The following PCDH9 variants were observed in gnomAD, a reference collection of about 807,000 sequenced individuals.
The protein encoded by PCDH9 is protocadherin-9.
A neutral mutation model predicts 70.6 loss-of-function variants in PCDH9; 24 were observed. The observed-to-expected ratio is 0.34, with a 90% CI of 0.25 to 0.48. PCDH9 has a LOEUF of 0.48. PCDH9 is among the 20% of genes least tolerant of loss of function. The pLI, the probability that PCDH9 is intolerant of heterozygous loss-of-function variation, is 0.99. For synonymous variants in PCDH9, 562 were observed against 558.5 expected (o/e 1.01, Z -0.09); for missense variants, 1,281 against 1,503.6 (o/e 0.85, Z 2.45).
intron 2 of PCDH9, chr13:66,915,037 G>C (rs554100420): frequency 6.6e-6 from 1 of 151,708 alleles, no homozygotes; most frequent in South Asian, 2.1e-4. Context: ...TTCAAGTAAG[G>C]ATTATTGTTT....
chr13:66,977,642 C>G (rs1047426765), intron 2 of PCDH9: 3 of 152,108 alleles, frequency 2.0e-5, no homozygotes, highest in Non-Finnish European at 4.4e-5. Context: ...TGGAACACAA[C>G]TGGGCGACAT....
intron 2 of PCDH9, among the ~76,000 whole-genome samples, chr13:67,067,172 A>G (rs564076592): frequency 1.3e-5 from 2 of 152,190 alleles, no homozygotes; most frequent in African/African-American, 4.8e-5. Flanking sequence ...TTTTCCTTCA[A>G]TTTAATTGTG....
chr13:66,782,727 A>G (rs1332367531), intron 3 of PCDH9: 1 of 152,150 alleles, frequency 6.6e-6, no homozygotes, highest in Admixed American at 6.6e-5. Context: ...TGTGGCTCAT[A>G]TTACAATTCT....
At chr13:67,133,626 G>A (rs1483506146) in intron 2 of PCDH9, among the ~76,000 whole-genome samples, 1 of 152,020 alleles carries the variant, frequency 6.6e-6, no homozygotes, top group Non-Finnish European at 1.5e-5. Context: ...ATATCAAAGG[G>A]AGATAAAAGA....
chr13:67,008,683 A>G (rs1400810010), intron 2 of PCDH9, among the ~76,000 whole-genome samples: 1 of 152,148 alleles, frequency 6.6e-6, no homozygotes, highest in African/African-American at 2.4e-5. Context: ...GCCTAGACTC[A>G]TCTTAAATAA....
intron 3 of PCDH9, among the ~76,000 whole-genome samples, chr13:66,678,991 G>A (rs1046664409): frequency 2.1e-4 from 31 of 151,154 alleles, no homozygotes; most frequent in African/African-American, 6.3e-4. Flanking sequence ...ATAAAAATTC[G>A]AAAGAACATA....
intron 2 of PCDH9, among the ~76,000 whole-genome samples, chr13:67,067,937 C>T (rs1369564629): frequency 6.6e-6 from 1 of 152,008 alleles, no homozygotes; most frequent in Non-Finnish European, 1.5e-5. Context: ...GTTCATAATT[C>T]TTTATTACTT....
chr13:67,112,560 AAAG>A (rs1398633414), intron 2 of PCDH9, among the ~76,000 whole-genome samples: 4 of 152,324 alleles, frequency 2.6e-5, no homozygotes, highest in African/African-American at 9.6e-5. Context: ...CAAAGAATTA[AAAG>A]AATATGTGAA....
At position 66,970,531 on chromosome 13, in the gene PCDH9, T is replaced by C. The variant is rs377079035; in HGVS notation, c.3037-66926A>G. Among the ~76,000 whole-genome samples, 4 of 147,864 alleles carry C rather than the reference T, an allele frequency of 2.7e-5. No homozygotes were observed. In the East Asian group the frequency reaches 8.0e-4, roughly 30 times the overall value. ...GATGCATGTGTGTGGTCCTGACTAC[T>C]GGGGAGGCTGAGACAAAAGGATTGC... On this transcript the variant is annotated intron_variant, in intron 2 of 4. Coordinates refer to ENST00000377865, the MANE Select transcript of PCDH9 (RefSeq NM_203487.3).
At chr13:67,115,386 T>C (rs965110610) in intron 2 of PCDH9, among the ~76,000 whole-genome samples, 2 of 152,206 alleles carry the variant, frequency 1.3e-5, no homozygotes, top group Non-Finnish European at 1.5e-5. Flanking sequence ...CTGCTGGTGG[T>C]TGAAGACAAT....
intron 3 of PCDH9, among the ~76,000 whole-genome samples, chr13:66,715,692 A>C (rs1291985413): frequency 6.6e-6 from 1 of 152,230 alleles, no homozygotes; most frequent in Non-Finnish European, 1.5e-5. Context: ...TAAAATGTCT[A>C]TTCTTTATCT....
intron 2 of PCDH9, among the ~76,000 whole-genome samples, chr13:66,969,104 T>C (rs1306657966): frequency 1.3e-5 from 2 of 152,074 alleles, no homozygotes; most frequent in Non-Finnish European, 2.9e-5. Context: ...AGCATTTCAG[T>C]AAGCTGTCAA....
intron 4 of PCDH9, among the ~76,000 whole-genome samples, chr13:66,499,211 AT>A (rs1461802180): frequency 1.3e-5 from 2 of 152,122 alleles, no homozygotes; most frequent in East Asian, 3.8e-4. Context: ...GAAAGATGAT[AT>A]TTAAATGGGA....
rs188467889 is a variant in PCDH9, at chr13:66,354,715, G to A, written c.3341-49687C>T. Among the ~76,000 whole-genome samples, 4 of 152,188 alleles carry A rather than the reference G, an allele frequency of 2.6e-5. No homozygotes were observed. In the East Asian group the frequency reaches 7.7e-4, roughly 29 times the overall value. On this transcript the variant is annotated intron_variant, in intron 4 of 4. Transcript: ENST00000377865. Reference sequence around the variant, plus strand: ...ATTTTGAACAGGCTGATTTAGCTATGTAATAAATATGCCCCTCCCTCTTTT... The same window carrying A: ...ATTTTGAACAGGCTGATTTAGCTATATAATAAATATGCCCCTCCCTCTTTT...
chr13:66,314,598 T>A (rs1955617683), intron 4 of PCDH9, among the ~76,000 whole-genome samples: 1 of 152,188 alleles, frequency 6.6e-6, no homozygotes, highest in African/African-American at 2.4e-5. Flanking sequence ...ACAATATCAG[T>A]ATATTTGACT....
At chr13:66,357,944 C>T (rs572438281) in intron 4 of PCDH9, among the ~76,000 whole-genome samples, 17 of 18,552 alleles carry the variant, frequency 9.2e-4, no homozygotes, top group South Asian at 0.013. Context: ...ATGCAGAAAG[C>T]GCACAGAATT....
intron 4 of PCDH9, among the ~76,000 whole-genome samples, chr13:66,395,141 C>CTATT (rs1024576204): frequency 4.6e-5 from 7 of 152,082 alleles, no homozygotes; most frequent in African/African-American, 1.4e-4. Flanking sequence ...CAATGAAATG[C>CTATT]TCAATAAAAC....
rs549030181 is a variant in PCDH9, at chr13:66,795,434, C to G, written c.3138+108070G>C. On this transcript the variant is annotated intron_variant, in intron 3 of 4. Coordinates refer to ENST00000377865, the MANE Select transcript of PCDH9 (RefSeq NM_203487.3). Reference sequence around the variant, plus strand: ...CTAACACCTTTATGAAAGGTACTGCCTAACAAATAATTTATAAATAGCTTT... The same window carrying G: ...CTAACACCTTTATGAAAGGTACTGCGTAACAAATAATTTATAAATAGCTTT... Among the ~76,000 whole-genome samples the G allele has an allele frequency of 5.9e-5, 9 of 152,160 alleles. No individual in the cohort carries two copies. The South Asian group carries it at 1.9e-3, about 32-fold the overall frequency.
intron 2 of PCDH9, chr13:67,222,836 A>G (rs1013190899): frequency 1.3e-5 from 2 of 152,200 alleles, no homozygotes; most frequent in Non-Finnish European, 2.9e-5. Context: ...ACATCTGCAG[A>G]TAGCAATCAT....
Sources: allele counts gnomAD v4.1 joint callset (sites outside exome capture counted in the v4.1 genomes callset), GRCh38; gene constraint gnomAD v4.1.1; transcripts MANE v1.5; gene names NCBI Gene and HGNC (gene_info 2026-07-23, HGNC 2026-07-21).